The following HMGCLL1 variants were observed in gnomAD, a reference collection of about 807,000 sequenced individuals.
The protein encoded by HMGCLL1 is 3-hydroxymethyl-3-methylglutaryl-CoA lyase, cytoplasmic.
HMGCLL1 carries 36 observed loss-of-function variants against 39.1 expected under a neutral mutation model. That is an observed-to-expected ratio of 0.92 (90% CI 0.71 to 1.22). HMGCLL1 has a LOEUF of 1.22. Ranked by LOEUF, HMGCLL1 falls within the 50% of genes most tolerant of loss-of-function variation. The probability of loss-of-function intolerance (pLI) is 0.00; values close to 1 mark genes in which losing one functional copy is unlikely to be tolerated. For missense variants in HMGCLL1, 451 were observed against 416.5 expected (o/e 1.08, Z -0.72); for synonymous variants, 149 against 144.0 (o/e 1.03, Z -0.25).
At chr6:55,497,357 G>A (rs956653501) in intron 6 of HMGCLL1, among the ~76,000 whole-genome samples, 2 of 151,982 alleles carry the variant, frequency 1.3e-5, no homozygotes, top group Admixed American at 1.3e-4. Flanking sequence ...TAATAATGAT[G>A]TGTTTGGTTG....
At chr6:55,632,786 C>G in the HMGCLL1 span, among the ~76,000 whole-genome samples, 2,756 of 152,044 alleles carry the variant, frequency 0.018, 31 homozygotes, top group Middle Eastern at 0.065. Context: ...GTAAGCAATA[C>G]ATTTTGGTTT....
chr6:55,563,994 T>C, intron 1 of HMGCLL1: 1 of 596,970 alleles, frequency 1.7e-6, no homozygotes, highest in Non-Finnish European at 2.8e-6. Flanking sequence ...CACGTGCAGT[T>C]TTTTGAAATG....
the HMGCLL1 span, among the ~76,000 whole-genome samples, chr6:55,601,370 G>A: frequency 6.6e-6 from 1 of 152,132 alleles, no homozygotes; most frequent in Non-Finnish European, 1.5e-5. Flanking sequence ...TGGGCTGCAC[G>A]ATTCACATTA....
intron 1 of HMGCLL1, among the ~76,000 whole-genome samples, chr6:55,559,815 C>T (rs1168369935): frequency 1.3e-5 from 2 of 152,180 alleles, no homozygotes; most frequent in Admixed American, 6.6e-5. Flanking sequence ...AGAACACTGG[C>T]TTCCATAATG....
the HMGCLL1 span, among the ~76,000 whole-genome samples, chr6:55,650,630 A>G: frequency 1.1e-4 from 17 of 152,148 alleles, no homozygotes; most frequent in Admixed American, 3.9e-4. Context: ...CAGCATGGCA[A>G]GTTCCCCTAT....
chr6:55,655,821 A>C, the HMGCLL1 span, among the ~76,000 whole-genome samples: 1 of 152,026 alleles, frequency 6.6e-6, no homozygotes. Flanking sequence ...ATGTGAGAAC[A>C]TTTGAAATTT....
chr6:55,464,923 TAA>T (rs1275347003), intron 7 of HMGCLL1, among the ~76,000 whole-genome samples: 1 of 152,168 alleles, frequency 6.6e-6, no homozygotes, highest in African/African-American at 2.4e-5. Flanking sequence ...TTTTGAAGGT[TAA>T]ATTTGATCAT....
rs1203261075 is a variant in HMGCLL1, at chr6:55,542,894, T to C, written c.109-754A>G. ...TTTTATATTTTTATATATTTATATA[T>C]TTAGATTATTTATATTGTTATTAGA... On this transcript the variant is annotated intron_variant, in intron 1 of 8. Transcript: ENST00000274901. Among the ~76,000 whole-genome samples, 79 of 133,746 alleles carry C rather than the reference T, an allele frequency of 5.9e-4. No homozygotes were observed. The Middle Eastern group carries it at 0.011, about 19-fold the overall frequency. 87.7% of individuals were successfully genotyped at this position (133,746 alleles called of 152,430 possible). A position where few individuals can be genotyped will look rare whatever the true frequency, so the allele number is the denominator to read the frequency against.
chr6:55,461,829 T>C (rs1285326024), intron 7 of HMGCLL1, among the ~76,000 whole-genome samples: 1 of 152,152 alleles, frequency 6.6e-6, no homozygotes, highest in East Asian at 1.9e-4. Flanking sequence ...TGTTCCAAAA[T>C]ATATACCTGT....
intron 7 of HMGCLL1, among the ~76,000 whole-genome samples, chr6:55,450,173 T>A (rs1476624040): frequency 2.0e-5 from 3 of 152,128 alleles, no homozygotes; most frequent in Admixed American, 6.6e-5. Context: ...AAAACGTTTC[T>A]CCAAATACAT....
intron 5 of HMGCLL1, among the ~76,000 whole-genome samples, chr6:55,506,083 C>T (rs1353560822): frequency 1.3e-5 from 2 of 151,684 alleles, no homozygotes; most frequent in Admixed American, 6.6e-5. Flanking sequence ...AACTTGAAGG[C>T]TGGGTCTTTC....
At chr6:55,629,244 A>G in the HMGCLL1 span, among the ~76,000 whole-genome samples, 1 of 152,158 alleles carries the variant, frequency 6.6e-6, no homozygotes, top group Non-Finnish European at 1.5e-5. Context: ...CTTGTTGGGA[A>G]CTGAAGCAAA....
chr6:55,480,419 G>A (rs771119648), intron 7 of HMGCLL1, among the ~76,000 whole-genome samples: 64 of 151,664 alleles, frequency 4.2e-4, no homozygotes, highest in Admixed American at 3.7e-3. Flanking sequence ...AAACTATAAT[G>A]AGATATCATC....
At chr6:55,482,072 G>A (rs1296183646) in intron 7 of HMGCLL1, among the ~76,000 whole-genome samples, 1 of 151,904 alleles carries the variant, frequency 6.6e-6, no homozygotes, top group Non-Finnish European at 1.5e-5. Context: ...CCACTTATAT[G>A]AACTCACTCA....
chr6:55,664,628 A>T, the HMGCLL1 span, among the ~76,000 whole-genome samples: 1 of 151,738 alleles, frequency 6.6e-6, no homozygotes, highest in Non-Finnish European at 1.5e-5. Context: ...TTAGGGCCTT[A>T]AAACAATAAA....
At chr6:55,467,172 A>T (rs968467236) in intron 7 of HMGCLL1, among the ~76,000 whole-genome samples, 41 of 152,096 alleles carry the variant, frequency 2.7e-4, no homozygotes, top group African/African-American at 9.4e-4. Context: ...CTAATAAGCC[A>T]CATTTCTGAA....
chr6:55,659,733 T>A, the HMGCLL1 span, among the ~76,000 whole-genome samples: 2 of 151,898 alleles, frequency 1.3e-5, no homozygotes, highest in African/African-American at 4.8e-5. Context: ...GTATCTTTGT[T>A]CTTCACTTTA....
chr6:55,546,486 G>C (rs1561953751), intron 1 of HMGCLL1, among the ~76,000 whole-genome samples: 1 of 152,008 alleles, frequency 6.6e-6, no homozygotes, highest in Non-Finnish European at 1.5e-5. Context: ...AAGTAAAATT[G>C]AACTTTCTTT....
chr6:55,533,456 A>C (rs1025231463), intron 3 of HMGCLL1, among the ~76,000 whole-genome samples: 4 of 152,150 alleles, frequency 2.6e-5, no homozygotes, highest in Admixed American at 6.5e-5. Context: ...GCTACTTTTC[A>C]TTTCTAGAGT....
Sources: gnomAD v4.1 joint callset for allele counts (sites outside exome capture counted in the v4.1 genomes callset) on GRCh38, gnomAD v4.1.1 for gene constraint, MANE v1.5 for transcripts, NCBI Gene and HGNC (gene_info 2026-07-23, HGNC 2026-07-21) for gene names.